Variants in HCN1 observed in about 807,000 individuals in gnomAD.
The protein encoded by HCN1 is hyperpolarization activated cyclic nucleotide gated potassium channel 1.
In HCN1, 13 loss-of-function variants were observed where a neutral mutation model predicts 78.9. The observed-to-expected ratio is 0.16, with a 90% confidence interval of 0.11 to 0.26. The LOEUF (loss-of-function observed/expected upper bound fraction) is 0.26, where lower values mean the gene tolerates loss of function less well. Among genes scored for constraint, HCN1 ranks in the 10% least tolerant of loss-of-function variants. HCN1 has a pLI of 1.00. For synonymous variants in HCN1, 552 were observed against 455.5 expected, an observed-to-expected ratio of 1.21 and a Z score of -2.70; for missense variants, 810 against 1,154.3, an observed-to-expected ratio of 0.70 and a Z score of 4.32.
At chr5:45,527,844 G>A (rs1742770850) in intron 2 of HCN1, among the ~76,000 whole-genome samples, 1 of 150,904 alleles carries the variant, frequency 6.6e-6, no homozygotes, top group South Asian at 2.1e-4. Flanking sequence ...GTCAATAAAT[G>A]TTTAGTGGTT....
intron 3 of HCN1, among the ~76,000 whole-genome samples, chr5:45,459,749 A>C (rs577637771): frequency 6.6e-6 from 1 of 152,244 alleles, no homozygotes; most frequent in East Asian, 1.9e-4. Context: ...AAAAATGTAA[A>C]ATAATAATTT....
In HCN1 at chr5:45,261,842, A is replaced by C; in HGVS notation, c.*79T>G. 6.6e-7 allele frequency: 1 copy of C among 1,507,228 alleles called. No homozygotes were observed. The highest frequency in any genetic ancestry group is 1.7e-5 in the Admixed American group (1 of 59,894). 93.4% of individuals were successfully genotyped at this position (1,507,228 alleles called of 1,614,324 possible). On this transcript the variant is annotated 3_prime_UTR_variant, in exon 8 of 8. Coordinates refer to ENST00000303230, the MANE Select transcript of HCN1 (RefSeq NM_021072.4). ...TCATAGTAGGCTAGAGGGATCTATC[A>C]GGAGATAGAATAAAATAAGATCTGA... is the stretch of plus-strand genomic sequence containing the variant.
At chr5:45,455,191 C>T (rs1214009103) in intron 3 of HCN1, among the ~76,000 whole-genome samples, 1 of 152,030 alleles carries the variant, frequency 6.6e-6, no homozygotes, top group African/African-American at 2.4e-5. Flanking sequence ...GCTTGCATGG[C>T]TTCATTTTCA....
rs143706756 is a variant in HCN1, at chr5:45,533,807, G to A, written c.850-71800C>T. ...CACCTCTCAGGAAAGGGCTTTTTATGTGTTTTGTAAACTACACAATTCCTA... is the reference window on the plus strand; with the variant it reads ...CACCTCTCAGGAAAGGGCTTTTTATATGTTTTGTAAACTACACAATTCCTA... On this transcript the variant is annotated intron_variant, in intron 2 of 7. Transcript: ENST00000303230. Among the ~76,000 whole-genome samples, 262 of 152,250 alleles carry A rather than the reference G, an allele frequency of 1.7e-3. 1 individual carries two copies. The highest frequency in any genetic ancestry group is 6.1e-3 in the African/African-American group (253 of 41,558).
At chr5:45,472,045 G>A (rs1447204388) in intron 2 of HCN1, among the ~76,000 whole-genome samples, 1 of 151,794 alleles carries the variant, frequency 6.6e-6, no homozygotes. Flanking sequence ...TCTTGGCCTG[G>A]CATTAAAGGT....
intron 1 of HCN1, among the ~76,000 whole-genome samples, chr5:45,684,306 G>C (rs1440503151): frequency 6.6e-6 from 1 of 152,054 alleles, no homozygotes; most frequent in East Asian, 1.9e-4. Flanking sequence ...AGAATTATGG[G>C]ATTATTTATA....
intron 2 of HCN1, among the ~76,000 whole-genome samples, chr5:45,499,817 T>A (rs2111729072): frequency 6.6e-6 from 1 of 152,310 alleles, no homozygotes; most frequent in Admixed American, 6.5e-5. Flanking sequence ...AATGAAAGGC[T>A]TGAAAAACCC....
intron 2 of HCN1, among the ~76,000 whole-genome samples, chr5:45,527,439 A>T (rs780641688): frequency 6.7e-6 from 1 of 150,024 alleles, no homozygotes; most frequent in Non-Finnish European, 1.5e-5. Flanking sequence ...AAAGAAGGAA[A>T]GGGAAGCCAA....
intron 5 of HCN1, among the ~76,000 whole-genome samples, chr5:45,331,555 C>G (rs1283833540): frequency 1.3e-5 from 2 of 151,244 alleles, no homozygotes; most frequent in Non-Finnish European, 3.0e-5. Context: ...ACGTAATCAA[C>G]ATGTATATAT....
chr5:45,303,749 T>G lies in HCN1; in HGVS notation c.1468A>C (p.Lys490Gln). ...GGTTGAAACACCTCAAATCTCAACTTGCTCAGCATGGCAGTCACAAAATTA... is the reference window on the plus strand; with the variant it reads ...GGTTGAAACACCTCAAATCTCAACTGGCTCAGCATGGCAGTCACAAAATTA... The part of the protein sequence containing the change: ...DPNFVTAMLS[K>Q]LRFEVFQPGD... The change falls in exon 6 of 8, where the codon AAG (lysine) becomes CAG (glutamine). Residue 490 changes from lysine (K) to glutamine (Q), a missense_variant. By Grantham distance (53) the Lys-to-Gln change is moderately conservative. Transcript: ENST00000303230. The G allele has an allele frequency of 2.5e-6, 4 of 1,613,710 alleles. No individual in the cohort carries two copies. The South Asian group carries it at 4.4e-5, about 18-fold the overall frequency.
rs551849330 is a variant in HCN1, at chr5:45,279,833, A to T, written c.1619-12580T>A. On this transcript the variant is annotated intron_variant, in intron 6 of 7. Transcript: ENST00000303230. The stretch of plus-strand genomic sequence containing the variant: ...ATAATATCACCATAACACCCCCAAA[A>T]TTAATAGTAATTTCTTAAAATTATC... Among the ~76,000 whole-genome samples, 46 of 152,242 alleles carry T rather than the reference A, an allele frequency of 3.0e-4. 1 individual carries two copies. The South Asian group carries it at 4.6e-3, about 15-fold the overall frequency.
chr5:45,636,708 C>T (rs1745362792), intron 2 of HCN1, among the ~76,000 whole-genome samples: 2 of 151,944 alleles, frequency 1.3e-5, no homozygotes, highest in African/African-American at 2.4e-5. Flanking sequence ...TTTAAATTAG[C>T]CAGGAGTGGT....
chr5:45,439,336 G>A (rs1266482049), intron 3 of HCN1, among the ~76,000 whole-genome samples: 1 of 151,946 alleles, frequency 6.6e-6, no homozygotes, highest in Admixed American at 6.6e-5. Flanking sequence ...TGGCTGTAGA[G>A]CACATATGAT....
intron 3 of HCN1, among the ~76,000 whole-genome samples, chr5:45,444,705 C>A (rs562903425): frequency 1.3e-5 from 2 of 152,122 alleles, no homozygotes; most frequent in East Asian, 3.9e-4. Context: ...AGCATACTAG[C>A]CACTTCTTTT....
chr5:45,358,904 A>AT (rs1452203521), intron 4 of HCN1, among the ~76,000 whole-genome samples: 1 of 151,714 alleles, frequency 6.6e-6, no homozygotes, highest in Non-Finnish European at 1.5e-5. Context: ...ACTATCACCT[A>AT]TTTTTTCTGA....
intron 2 of HCN1, chr5:45,642,564 A>T (rs1745476795): frequency 6.6e-6 from 1 of 152,124 alleles, no homozygotes; most frequent in South Asian, 2.1e-4. Flanking sequence ...TTCACACATT[A>T]CTTCCCCAAA....
chr5:45,667,492 A>G (rs1025186052), intron 1 of HCN1, among the ~76,000 whole-genome samples: 5 of 152,036 alleles, frequency 3.3e-5, no homozygotes, highest in Admixed American at 3.3e-4. Flanking sequence ...AAGAAAAGTA[A>G]TGAGTTGAAA....
In HCN1 at chr5:45,599,636, TA is replaced by T. The variant is rs1437887512; in HGVS notation, c.849+45548del. Among the ~76,000 whole-genome samples the T allele has an allele frequency of 4.6e-5, 7 of 152,134 alleles. No homozygotes were observed. The East Asian group carries it at 1.2e-3, about 25-fold the overall frequency. ...CTGTAAGTTTGGGCTTTAAAACAGTTAAAAGTTCTGTCAGTATCTGATACTT... is the reference window on the plus strand; with the variant it reads ...CTGTAAGTTTGGGCTTTAAAACAGTTAAAGTTCTGTCAGTATCTGATACTT... On this transcript the variant is annotated intron_variant, in intron 2 of 7. Coordinates refer to ENST00000303230, the MANE Select transcript of HCN1 (RefSeq NM_021072.4).
At chr5:45,368,621 G>A (rs529937392) in intron 4 of HCN1, among the ~76,000 whole-genome samples, 2 of 151,942 alleles carry the variant, frequency 1.3e-5, no homozygotes, top group South Asian at 2.1e-4. Flanking sequence ...TATACTAAAT[G>A]GCCTAATTGG....
Sources: allele counts gnomAD v4.1 joint callset (sites outside exome capture counted in the v4.1 genomes callset), GRCh38; gene constraint gnomAD v4.1.1; transcripts MANE v1.5; gene names NCBI Gene and HGNC (gene_info 2026-07-23, HGNC 2026-07-21).